The following CPVL variants were observed in gnomAD, a reference collection of about 807,000 sequenced individuals.
CPVL encodes probable serine carboxypeptidase CPVL.
In CPVL, 51 loss-of-function variants were observed where a neutral mutation model predicts 63.7. The ratio of observed to expected loss-of-function variants is 0.80; its 90% CI spans 0.64 to 1.01. CPVL has a LOEUF of 1.01. CPVL is among the 50% of genes least tolerant of loss of function. The pLI is 0.00. For synonymous variants in CPVL, 195 were observed against 206.0 expected, an observed-to-expected ratio of 0.95 and a Z score of 0.46; for missense variants, 530 against 573.1, an observed-to-expected ratio of 0.92 and a Z score of 0.77.
chr7:29,036,981 C>A (rs547744022), intron 11 of CPVL, among the ~76,000 whole-genome samples: 115 of 152,278 alleles, frequency 7.6e-4, no homozygotes, highest in African/African-American at 2.5e-3. Flanking sequence ...AAACTGTGTG[C>A]TTCTAAGTGC....
At chr7:29,187,864 A>T (rs1798907549) in intron 1 of CPVL, among the ~76,000 whole-genome samples, 1 of 152,256 alleles carries the variant, frequency 6.6e-6, no homozygotes, top group Non-Finnish European at 1.5e-5. Flanking sequence ...ATTGTTGGGC[A>T]TACATTCATT....
At chr7:29,099,538 C>T (rs1472940554) in intron 3 of CPVL, among the ~76,000 whole-genome samples, 1 of 152,046 alleles carries the variant, frequency 6.6e-6, no homozygotes, top group Non-Finnish European at 1.5e-5. Context: ...ATGGTGAAAC[C>T]GCATCTCTAC....
At chr7:29,107,260 C>T (rs1787807708) in intron 3 of CPVL, among the ~76,000 whole-genome samples, 1 of 152,198 alleles carries the variant, frequency 6.6e-6, no homozygotes, top group Non-Finnish European at 1.5e-5. Context: ...GAGGGGACTG[C>T]CCAAGGGCAC....
rs533676608 is a variant in CPVL at position 29,141,758 on chromosome 7, T to A, written c.-11+4671A>T. The stretch of plus-strand genomic sequence containing the variant: ...GGTAAAACCCTGTCTCTACTAAACA[T>A]ATAAAAATTAGCCAGGCGTGGGGGT... On this transcript the variant is annotated intron_variant, in intron 1 of 12. Transcript: ENST00000265394. Among the ~76,000 whole-genome samples, 250 of 151,594 alleles carry A rather than the reference T, an allele frequency of 1.6e-3. 1 individual carries two copies. The highest frequency in any genetic ancestry group is 0.01 in the Middle Eastern group (3 of 294).
At chr7:29,101,321 C>T (rs2128618163) in intron 3 of CPVL, among the ~76,000 whole-genome samples, 1 of 152,316 alleles carries the variant, frequency 6.6e-6, no homozygotes, top group East Asian at 1.9e-4. Context: ...TAAAATGTGG[C>T]TGGGCGCGGT....
chr7:29,084,521 C>T (rs1308890901), intron 7 of CPVL, among the ~76,000 whole-genome samples: 1 of 152,200 alleles, frequency 6.6e-6, no homozygotes, highest in Non-Finnish European at 1.5e-5. Context: ...TTAGTTATCA[C>T]TGCCTACCTC....
intron 7 of CPVL, among the ~76,000 whole-genome samples, chr7:29,076,346 A>G (rs1403058115): frequency 6.6e-6 from 1 of 152,158 alleles, no homozygotes; most frequent in African/African-American, 2.4e-5. Context: ...TGGTCAATGA[A>G]GCCCCTGAGG....
At chr7:29,055,689 C>CCCAGCTG (rs1790661103) in intron 11 of CPVL, among the ~76,000 whole-genome samples, 1 of 152,240 alleles carries the variant, frequency 6.6e-6, no homozygotes, top group Non-Finnish European at 1.5e-5. Flanking sequence ...GGGCCCACAG[C>CCCAGCTG]CCAGCTGCCA....
Position 29,171,719 on chromosome 7 carries a change from A to C in CPVL, c.-11+9571T>G, listed in dbSNP as rs527961620. 1.8e-4 allele frequency among the ~76,000 whole-genome samples: 27 copies of C among 152,332 alleles called. 1 individual carries two copies. Among genetic ancestry groups the C allele is most frequent in the Admixed American group, 7.2e-4 (11 of 15,310 alleles). On this transcript the variant is annotated intron_variant, in intron 5 of 16. Coordinates refer to the CPVL transcript ENST00000409850. Reference sequence around the variant, plus strand: ...TCCAAGCATATGACATAATTTAGAAATCTACCAGTGTGTCTCCAGAGAATG... The same window carrying C: ...TCCAAGCATATGACATAATTTAGAACTCTACCAGTGTGTCTCCAGAGAATG...
At position 29,175,211 on chromosome 7, in the gene CPVL, G is replaced by C. The variant is rs1409363933; in HGVS notation, c.-11+6079C>G. ...TTTTTTTGAGACGGGGCCTCTCTCT[G>C]TCACCCAGGCTGGAGTGTAGTGGCA... On this transcript the variant is annotated intron_variant, in intron 5 of 16. Coordinates refer to the CPVL transcript ENST00000409850. 7.4e-5 allele frequency among the ~76,000 whole-genome samples: 11 copies of C among 149,506 alleles called. No homozygotes were observed. The East Asian group carries it at 1.6e-3, about 21-fold the overall frequency.
rs75426643 is a variant in CPVL at position 29,142,314 on chromosome 7, T to C, written c.-11+4115A>G. Among the ~76,000 whole-genome samples the C allele has an allele frequency of 2.5e-3, 387 of 152,320 alleles. 2 individuals are homozygous for C. Among genetic ancestry groups the C allele is most frequent in the African/African-American group, 8.3e-3 (347 of 41,564 alleles). On this transcript the variant is annotated intron_variant, in intron 1 of 12. Coordinates refer to ENST00000265394, the MANE Select transcript of CPVL (RefSeq NM_031311.5). ...CTTCAAGATCTTATCCTTTTTTCTCTTTCCGTACATTCCCATTCAACCACC... is the reference window on the plus strand; with the variant it reads ...CTTCAAGATCTTATCCTTTTTTCTCCTTCCGTACATTCCCATTCAACCACC...
At chr7:29,064,940 GCA>G (rs1783003425) in intron 10 of CPVL, among the ~76,000 whole-genome samples, 1 of 5,390 alleles carries the variant, frequency 1.9e-4, no homozygotes. Context: ...AAAAAAAACC[GCA>G]CACACACACA....
intron 2 of CPVL, among the ~76,000 whole-genome samples, chr7:29,116,658 T>A (rs539223245): frequency 6.6e-6 from 1 of 152,292 alleles, no homozygotes; most frequent in Admixed American, 6.5e-5. Flanking sequence ...ACAGACATTA[T>A]CAGATCATAA....
chr7:29,140,938 T>G (rs1225129783), intron 1 of CPVL, among the ~76,000 whole-genome samples: 3 of 152,130 alleles, frequency 2.0e-5, no homozygotes, highest in African/African-American at 7.2e-5. Flanking sequence ...ATGAAGTGAT[T>G]GTTGAACTCA....
At chr7:29,090,602 C>T (rs1785671757) in intron 6 of CPVL, among the ~76,000 whole-genome samples, 1 of 152,166 alleles carries the variant, frequency 6.6e-6, no homozygotes, top group Non-Finnish European at 1.5e-5. Flanking sequence ...GCACCAAGAA[C>T]AGCAGCTGGC....
At chr7:29,131,478 T>C (rs1237879903) in intron 1 of CPVL, among the ~76,000 whole-genome samples, 1 of 152,214 alleles carries the variant, frequency 6.6e-6, no homozygotes, top group African/African-American at 2.4e-5. Flanking sequence ...TTCTCAGCTC[T>C]TTTCCATATG....
chr7:29,155,878 C>T (rs975539338), intron 5 of CPVL, among the ~76,000 whole-genome samples: 4 of 152,106 alleles, frequency 2.6e-5, no homozygotes, highest in Non-Finnish European at 5.9e-5. Context: ...CAGACCACAT[C>T]GGAGCGTCCT....
upstream of CPVL, among the ~76,000 whole-genome samples, chr7:29,150,832 G>A (rs372238442): frequency 4.6e-5 from 7 of 152,232 alleles, no homozygotes; most frequent in East Asian, 5.8e-4. Flanking sequence ...GAGGCACAGC[G>A]AAAAGAGAAA....
intron 5 of CPVL, 99 bp downstream of exon 5, chr7:29,094,984 GA>G: frequency 1.2e-6 from 1 of 864,276 alleles, no homozygotes; most frequent in Non-Finnish European, 1.8e-6. Flanking sequence ...TTTTCAAAAG[GA>G]AAAACGAAAT....
Sources: allele counts gnomAD v4.1 joint callset (sites outside exome capture counted in the v4.1 genomes callset), GRCh38; gene constraint gnomAD v4.1.1; transcripts MANE v1.5; gene names NCBI Gene and HGNC (gene_info 2026-07-23, HGNC 2026-07-21).